Variants in MGAT4C observed in about 807,000 individuals in gnomAD.
MGAT4C encodes MGAT4 family member C.
MGAT4C carries 19 observed loss-of-function variants against 40.1 expected under a neutral mutation model. The ratio of observed to expected loss-of-function variants is 0.47; its 90% CI spans 0.33 to 0.70. The LOEUF (loss-of-function observed/expected upper bound fraction) is 0.70. MGAT4C is among the 30% of genes least tolerant of loss of function. The pLI is 0.02. For synonymous variants in MGAT4C, 181 were observed against 187.1 expected, an observed-to-expected ratio of 0.97 and a Z score of 0.27; for missense variants, 491 against 563.2, an observed-to-expected ratio of 0.87 and a Z score of 1.30.
Position 86,411,923 on chromosome 12 carries a change from T to C in MGAT4C, c.-120+23234A>G, listed in dbSNP as rs113439682. ...CCCTGCATCTCAGCTGCTCCAACTC[T>C]AGCCATGGCTAACAGGGGCCCCAAA... On this transcript the variant is annotated intron_variant, in intron 3 of 7. Transcript: ENST00000548651. Among the ~76,000 whole-genome samples the C allele has an allele frequency of 5.8e-3, 886 of 152,226 alleles. 7 individuals are homozygous for C. The highest frequency in any genetic ancestry group is 0.02 in the African/African-American group (850 of 41,550).
chr12:86,270,084 T>G (rs1952904486), intron 4 of MGAT4C, among the ~76,000 whole-genome samples: 1 of 152,110 alleles, frequency 6.6e-6, no homozygotes, highest in Admixed American at 6.5e-5. Flanking sequence ...GTTTTTCTTT[T>G]GAGACAGAGT....
chr12:86,233,718 A>T (rs1017556593), intron 1 of MGAT4C, among the ~76,000 whole-genome samples: 2 of 152,158 alleles, frequency 1.3e-5, no homozygotes, highest in Non-Finnish European at 2.9e-5. Flanking sequence ...CATTTAAAAA[A>T]TTTCATAATT....
At chr12:86,143,465 A>G (rs1883122873) in intron 1 of MGAT4C, among the ~76,000 whole-genome samples, 1 of 152,182 alleles carries the variant, frequency 6.6e-6, no homozygotes, top group African/African-American at 2.4e-5. Context: ...ACAACAGTCT[A>G]TGACAATGTA....
intron 2 of MGAT4C, among the ~76,000 whole-genome samples, chr12:86,582,783 G>A (rs1960843051): frequency 6.6e-6 from 1 of 151,144 alleles, no homozygotes; most frequent in African/African-American, 2.4e-5. Flanking sequence ...CAAGGACATT[G>A]GGACTTATGT....
chr12:86,803,272 G>C (rs972971665), intron 1 of MGAT4C, among the ~76,000 whole-genome samples: 5 of 151,176 alleles, frequency 3.3e-5, no homozygotes, highest in African/African-American at 1.2e-4. Context: ...ATTCAAGATG[G>C]ATTAAAGATT....
In MGAT4C at chr12:86,486,960, C is replaced by A. The variant is rs112557187; in HGVS notation, c.-228-51695G>T. Reference sequence around the variant, plus strand: ...TCAGCAAAGCAGTTTTATCTGAGTGCTTAAAATGGATATACCAATCAGGGG... The same window carrying A: ...TCAGCAAAGCAGTTTTATCTGAGTGATTAAAATGGATATACCAATCAGGGG... On this transcript the variant is annotated intron_variant, in intron 2 of 7. Coordinates refer to the MGAT4C transcript ENST00000548651. Among the ~76,000 whole-genome samples, 500 of 152,198 alleles carry A rather than the reference C, an allele frequency of 3.3e-3. 2 individuals are homozygous for A. The highest frequency in any genetic ancestry group is 0.012 in the African/African-American group (483 of 41,552).
At chr12:86,787,365 T>G (rs1051149902) in intron 1 of MGAT4C, among the ~76,000 whole-genome samples, 5 of 152,178 alleles carry the variant, frequency 3.3e-5, no homozygotes, top group African/African-American at 1.2e-4. Flanking sequence ...TATATGTGTA[T>G]GCATAAATAG....
intron 1 of MGAT4C, among the ~76,000 whole-genome samples, chr12:86,814,281 TATACATATATATACATATAC>T: frequency 6.1e-5 from 3 of 49,076 alleles, no homozygotes; most frequent in Non-Finnish European, 1.2e-4. Flanking sequence ...TACGTATATA[TATACATATATATACATATAC>T]GTATATATAT....
chr12:86,116,934 T>C (rs916681732), intron 1 of MGAT4C, among the ~76,000 whole-genome samples: 7 of 152,108 alleles, frequency 4.6e-5, no homozygotes, highest in Admixed American at 2.0e-4. Flanking sequence ...CATTAAAACA[T>C]TGTTAGGTAA....
chr12:86,525,645 G>T (rs1356361559), intron 2 of MGAT4C, among the ~76,000 whole-genome samples: 5 of 152,104 alleles, frequency 3.3e-5, no homozygotes, highest in Non-Finnish European at 5.9e-5. Flanking sequence ...CAACATTAAG[G>T]ATTTGATTGT....
intron 1 of MGAT4C, among the ~76,000 whole-genome samples, chr12:86,774,791 C>A (rs962752408): frequency 2.0e-5 from 3 of 152,032 alleles, no homozygotes; most frequent in Non-Finnish European, 4.4e-5. Context: ...TTTCATACTT[C>A]ATCTTAATAA....
chr12:86,618,568 C>T (rs1248962015), intron 2 of MGAT4C, among the ~76,000 whole-genome samples: 1 of 151,986 alleles, frequency 6.6e-6, no homozygotes, highest in Non-Finnish European at 1.5e-5. Flanking sequence ...GTGAATTAAG[C>T]CAGGAACAGA....
intron 1 of MGAT4C, among the ~76,000 whole-genome samples, chr12:86,794,366 T>G: frequency 6.6e-6 from 1 of 151,856 alleles, no homozygotes; most frequent in Non-Finnish European, 1.5e-5. Context: ...CTTTTAGAAA[T>G]ATTTTATTTT....
chr12:86,560,172 T>C (rs951688978), intron 2 of MGAT4C, among the ~76,000 whole-genome samples: 11 of 151,946 alleles, frequency 7.2e-5, no homozygotes, highest in African/African-American at 2.7e-4. Context: ...AACAAAATTA[T>C]AGTACTAAAT....
intron 2 of MGAT4C, among the ~76,000 whole-genome samples, chr12:86,652,268 C>T (rs548699350): frequency 6.6e-6 from 1 of 151,954 alleles, no homozygotes; most frequent in South Asian, 2.1e-4. Flanking sequence ...ATGTGTATTA[C>T]CTTTCCCCAT....
At chr12:86,714,332 A>C (rs572717788) in intron 2 of MGAT4C, among the ~76,000 whole-genome samples, 2 of 152,232 alleles carry the variant, frequency 1.3e-5, no homozygotes, top group East Asian at 1.9e-4. Context: ...AGTATTTGAC[A>C]TGTGGTTAAT....
At chr12:86,638,857 G>C (rs572627994) in intron 2 of MGAT4C, among the ~76,000 whole-genome samples, 79 of 151,824 alleles carry the variant, frequency 5.2e-4, no homozygotes, top group Non-Finnish European at 7.4e-4. Context: ...CTGCACTGCT[G>C]TGAAACTTTT....
At chr12:86,384,846 C>T (rs761258192) in intron 3 of MGAT4C, among the ~76,000 whole-genome samples, 4 of 152,086 alleles carry the variant, frequency 2.6e-5, no homozygotes, top group Non-Finnish European at 5.9e-5. Flanking sequence ...TCTTTCTTGC[C>T]GTTCATCACC....
At chr12:86,642,972 A>G (rs1963434040) in intron 2 of MGAT4C, among the ~76,000 whole-genome samples, 1 of 151,752 alleles carries the variant, frequency 6.6e-6, no homozygotes, top group Admixed American at 6.6e-5. Context: ...GTCTTCAAAA[A>G]ATTAAACTTA....
Sources: gnomAD v4.1 joint callset for allele counts (sites outside exome capture counted in the v4.1 genomes callset) on GRCh38, gnomAD v4.1.1 for gene constraint, MANE v1.5 for transcripts, NCBI Gene and HGNC (gene_info 2026-07-23, HGNC 2026-07-21) for gene names.